DCDC2C: variants seen among roughly 807,000 people sequenced by gnomAD.
DCDC2C encodes the protein doublecortin domain-containing protein 2C.
Under a neutral mutation model 45.0 loss-of-function variants are expected in DCDC2C, and 44 were observed. The observed-to-expected ratio is 0.98, with a 90% confidence interval of 0.77 to 1.26. DCDC2C has a LOEUF of 1.26. Among genes scored for constraint, DCDC2C ranks in the 50% most tolerant of loss-of-function variants. The pLI is 0.00. For missense variants in DCDC2C, 447 were observed against 468.9 expected (o/e 0.95, Z 0.43); for synonymous variants, 187 against 178.8 (o/e 1.05, Z -0.37).
chr2:3,805,427 G>A (rs1050436629), intron 10 of DCDC2C, among the ~76,000 whole-genome samples: 6 of 152,174 alleles, frequency 3.9e-5, no homozygotes, highest in African/African-American at 1.4e-4. Flanking sequence ...TGAGTCGTGT[G>A]TGTGACTGAG....
At chr2:3,758,231 G>A (rs1280897803) in intron 6 of DCDC2C, among the ~76,000 whole-genome samples, 1 of 152,136 alleles carries the variant, frequency 6.6e-6, no homozygotes, top group East Asian at 1.9e-4. Context: ...CCCACATCCC[G>A]ACATCCCTGG....
chr2:3,719,178 C>G (rs548384857), intron 2 of DCDC2C, among the ~76,000 whole-genome samples: 3 of 152,076 alleles, frequency 2.0e-5, no homozygotes, highest in Non-Finnish European at 4.4e-5. Flanking sequence ...CTCTGGCTCC[C>G]GGGTTCATGC....
chr2:3,836,786 C>CG (rs1365228241), intron 10 of DCDC2C, among the ~76,000 whole-genome samples: 1 of 148,312 alleles, frequency 6.7e-6, no homozygotes, highest in African/African-American at 2.5e-5. Context: ...GACGTGAACC[C>CG]GGGAGGCGGA....
At chr2:3,742,421 G>A (rs1307141795) in intron 4 of DCDC2C, among the ~76,000 whole-genome samples, 1 of 152,140 alleles carries the variant, frequency 6.6e-6, no homozygotes, top group Non-Finnish European at 1.5e-5. Context: ...GGGGGAGCTG[G>A]TGTTTGGATT....
intron 4 of DCDC2C, among the ~76,000 whole-genome samples, chr2:3,746,381 G>A (rs1669361689): frequency 6.6e-6 from 1 of 152,152 alleles, no homozygotes; most frequent in South Asian, 2.1e-4. Context: ...AAGTGGGAGT[G>A]GATGGGGACG....
At chr2:3,833,809 G>C (rs917984358) in intron 10 of DCDC2C, among the ~76,000 whole-genome samples, 1 of 152,200 alleles carries the variant, frequency 6.6e-6, no homozygotes. Flanking sequence ...TTGCAGAAGA[G>C]AGCTGAGGTT....
intron 10 of DCDC2C, chr2:3,844,459 A>G (rs897065): frequency 0.86 from 130,971 of 152,462 alleles, 56,286 homozygotes; most frequent in South Asian, 0.93. Context: ...CTGAGACGCC[A>G]GAGTTGCCCA....
Position 3,726,983 on chromosome 2 carries a change from T to C in DCDC2C, c.340-20T>C. On this transcript the variant is annotated intron_variant, in intron 2 of 10. Coordinates refer to ENST00000399143, the MANE Select transcript of DCDC2C (RefSeq NM_001287444.2). ...GGCTAATTTGAACTGAATTCCCAGG[T>C]GTGTTTTTTCCTTTTTCAGATCAAA... 1 of 1,543,952 alleles carries C rather than the reference T, an allele frequency of 6.5e-7. No homozygotes were observed.
At chr2:3,751,933 C>A (rs1669554732) in intron 4 of DCDC2C, among the ~76,000 whole-genome samples, 1 of 152,170 alleles carries the variant, frequency 6.6e-6, no homozygotes, top group South Asian at 2.1e-4. Context: ...GGAAACTGCC[C>A]CTGTCCTGCA....
chr2:3,708,998 C>T (rs544156476), intron 2 of DCDC2C, among the ~76,000 whole-genome samples: 59 of 152,304 alleles, frequency 3.9e-4, no homozygotes, highest in African/African-American at 1.1e-3. Flanking sequence ...CATTTTTGTA[C>T]GTGATAGACA....
chr2:3,704,786 A>G (rs979131777), intron 1 of DCDC2C, among the ~76,000 whole-genome samples: 1 of 150,170 alleles, frequency 6.7e-6, no homozygotes, highest in Non-Finnish European at 1.5e-5. Flanking sequence ...TCCCATTTGA[A>G]ATCGCTCAGG....
chr2:3,708,977 C>T (rs1012772426), intron 2 of DCDC2C, among the ~76,000 whole-genome samples: 1 of 152,166 alleles, frequency 6.6e-6, no homozygotes, highest in Non-Finnish European at 1.5e-5. Flanking sequence ...AGATTTGTCC[C>T]AAGTGCTCAA....
chr2:3,755,584 T>C (rs1669686665), intron 6 of DCDC2C, among the ~76,000 whole-genome samples: 1 of 152,116 alleles, frequency 6.6e-6, no homozygotes. Flanking sequence ...TGTGTACATA[T>C]GGATGTATAT....
At chr2:3,840,212 G>A (rs1475782281) in intron 10 of DCDC2C, among the ~76,000 whole-genome samples, 1 of 152,182 alleles carries the variant, frequency 6.6e-6, no homozygotes, top group East Asian at 1.9e-4. Context: ...CAAAGCAGCT[G>A]CTGTGTAAGC....
intron 10 of DCDC2C, among the ~76,000 whole-genome samples, chr2:3,811,978 T>C (rs1049263360): frequency 8.5e-5 from 13 of 152,234 alleles, no homozygotes; most frequent in Admixed American, 8.5e-4. Flanking sequence ...TGGATTTGGC[T>C]TGGCAGTATT....
chr2:3,716,256 G>C (rs576684614), intron 2 of DCDC2C, among the ~76,000 whole-genome samples: 48 of 152,168 alleles, frequency 3.2e-4, no homozygotes, highest in Admixed American at 1.4e-3. Context: ...AATGCTTAGA[G>C]GGCAGGGAGG....
At position 3,808,965 on chromosome 2, in the gene DCDC2C, A is replaced by T. The variant is rs186751222; in HGVS notation, c.1065+23865A>T. Among the ~76,000 whole-genome samples the T allele has an allele frequency of 5.8e-4, 88 of 152,244 alleles. No individual in the cohort carries two copies. The East Asian group carries it at 0.016, about 28-fold the overall frequency. On this transcript the variant is annotated intron_variant, in intron 10 of 10. Coordinates refer to ENST00000399143, the MANE Select transcript of DCDC2C (RefSeq NM_001287444.2). Reference sequence around the variant, plus strand: ...ATGAGGATTTTTTTTTAAATTTTGCATATGAATTTCTGATTGTTCTTGTAC... The same window carrying T: ...ATGAGGATTTTTTTTTAAATTTTGCTTATGAATTTCTGATTGTTCTTGTAC...
intron 10 of DCDC2C, among the ~76,000 whole-genome samples, chr2:3,794,773 A>G (rs1297070553): frequency 3.9e-5 from 6 of 152,218 alleles, no homozygotes; most frequent in African/African-American, 9.6e-5. Flanking sequence ...CACTTTGGAC[A>G]TTTGGGTTGG....
intron 2 of DCDC2C, among the ~76,000 whole-genome samples, chr2:3,712,494 A>G (rs1034069638): frequency 6.7e-6 from 1 of 149,266 alleles, no homozygotes; most frequent in African/African-American, 2.6e-5. Context: ...TCTACAAAAA[A>G]AAAAAAAAAA....
Sources: allele counts gnomAD v4.1 joint callset (sites outside exome capture counted in the v4.1 genomes callset), GRCh38; gene constraint gnomAD v4.1.1; transcripts MANE v1.5; gene names NCBI Gene and HGNC (gene_info 2026-07-23, HGNC 2026-07-21).